CDC14A: variants seen among roughly 807,000 people sequenced by gnomAD.
CDC14A encodes the protein dual specificity protein phosphatase CDC14A.
Under a neutral mutation model 74.4 loss-of-function variants are expected in CDC14A, and 53 were observed. The ratio of observed to expected loss-of-function variants is 0.71; its 90% CI spans 0.57 to 0.89. The LOEUF is 0.89. Ranked by LOEUF, CDC14A falls within the 40% of genes least tolerant of loss-of-function variation. The pLI is 0.00. For synonymous variants in CDC14A, 247 were observed against 258.4 expected (o/e 0.96, Z 0.43); for missense variants, 646 against 713.7 (o/e 0.91, Z 1.08).
chr1:100,458,046 A>C (rs535676196), intron 8 of CDC14A, among the ~76,000 whole-genome samples: 1 of 152,302 alleles, frequency 6.6e-6, no homozygotes, highest in East Asian at 1.9e-4. Flanking sequence ...ATGGGGAAAA[A>C]ATTATAGCCA....
intron 7 of CDC14A, among the ~76,000 whole-genome samples, chr1:100,446,666 C>A (rs1286399313): frequency 1.3e-5 from 2 of 151,900 alleles, no homozygotes; most frequent in African/African-American, 4.8e-5. Context: ...TTGAATTAAG[C>A]CTCAGAAACC....
At position 100,400,867 on chromosome 1, in the gene CDC14A, G is replaced by GT. The variant is rs1399805157; in HGVS notation, c.309+10052dup. ...AAGTTAAGGTGCATCAATCTTTTCA[G>GT]TTTTTTTTTCTTTTTTTCTTTTGGC... is the stretch of plus-strand genomic sequence containing the variant. On this transcript the variant is annotated intron_variant, in intron 4 of 15. Transcript: ENST00000336454. Among the ~76,000 whole-genome samples, 15 of 151,118 alleles carry GT rather than the reference G, an allele frequency of 9.9e-5. No individual in the cohort carries two copies. In the South Asian group the frequency reaches 1.9e-3, roughly 19 times the overall value.
chr1:100,426,066 G>C (rs1662927232), intron 5 of CDC14A, among the ~76,000 whole-genome samples: 1 of 152,094 alleles, frequency 6.6e-6, no homozygotes, highest in Non-Finnish European at 1.5e-5. Flanking sequence ...TGCAATGTTT[G>C]GTTTTTGTTT....
chr1:100,375,143 G>A (rs978549465), intron 2 of CDC14A, among the ~76,000 whole-genome samples: 3 of 152,192 alleles, frequency 2.0e-5, no homozygotes, highest in Non-Finnish European at 4.4e-5. Context: ...ACTGGACTTT[G>A]AGCAAGGTAG....
In CDC14A at chr1:100,478,817, G is replaced by A. The variant is rs370603038; in HGVS notation, c.978-5475G>A. 2.6e-5 allele frequency among the ~76,000 whole-genome samples: 4 copies of A among 152,260 alleles called. No individual in the cohort carries two copies. In the East Asian group the frequency reaches 5.8e-4, roughly 22 times the overall value. On this transcript the variant is annotated intron_variant, in intron 10 of 15. Coordinates refer to ENST00000336454, the MANE Select transcript of CDC14A (RefSeq NM_003672.4). ...GCTTCTACTGAGTTGGATATTTTCAGAATTCTAACTTTGTTGCAAGCCTTC... is the reference window on the plus strand; with the variant it reads ...GCTTCTACTGAGTTGGATATTTTCAAAATTCTAACTTTGTTGCAAGCCTTC...
intron 5 of CDC14A, among the ~76,000 whole-genome samples, chr1:100,431,706 CAG>C (rs1663708800): frequency 6.6e-6 from 1 of 151,500 alleles, no homozygotes; most frequent in Admixed American, 6.6e-5. Flanking sequence ...AAAAATTAGT[CAG>C]GGGTAGTGGC....
chr1:100,362,025 G>A (rs1277708880), intron 2 of CDC14A, among the ~76,000 whole-genome samples: 2 of 152,146 alleles, frequency 1.3e-5, no homozygotes, highest in Non-Finnish European at 2.9e-5. Context: ...TTGGGTGACT[G>A]GGAGAGAGGG....
intron 2 of CDC14A, among the ~76,000 whole-genome samples, chr1:100,356,963 G>A (rs555405731): frequency 2.6e-5 from 4 of 152,064 alleles, no homozygotes; most frequent in Admixed American, 2.6e-4. Flanking sequence ...CATGTGACCT[G>A]GCAACACAGG....
intron 7 of CDC14A, among the ~76,000 whole-genome samples, chr1:100,444,034 G>A (rs1665254979): frequency 6.6e-6 from 1 of 152,104 alleles, no homozygotes; most frequent in Admixed American, 6.5e-5. Context: ...TGGATATTCT[G>A]TTTCCATGTT....
At chr1:100,471,012 T>G (rs1173239209) in intron 10 of CDC14A, among the ~76,000 whole-genome samples, 3 of 152,132 alleles carry the variant, frequency 2.0e-5, no homozygotes, top group Non-Finnish European at 4.4e-5. Context: ...TAGCCCAAAA[T>G]TAGAAATCAT....
chr1:100,404,542 A>G (rs1026295778), intron 4 of CDC14A, among the ~76,000 whole-genome samples: 5 of 152,336 alleles, frequency 3.3e-5, no homozygotes, highest in Admixed American at 6.5e-5. Flanking sequence ...AAAACTAAAT[A>G]GTGGGATGGC....
chr1:100,492,861 T>G (rs1557823979), intron 11 of CDC14A, among the ~76,000 whole-genome samples: 1 of 146,016 alleles, frequency 6.8e-6, no homozygotes, highest in African/African-American at 2.6e-5. Context: ...TGTGTGTGTG[T>G]GTATGTGTGT....
chr1:100,420,063 C>CAATATATATATATATATAT lies in CDC14A; in HGVS notation c.310-4158_310-4157insATATATATATATATATATA. 1.5e-4 allele frequency among the ~76,000 whole-genome samples: 9 copies of CAATATATATATATATATAT among 61,564 alleles called. No individual in the cohort carries two copies. In the Admixed American group the frequency reaches 2.1e-3, roughly 14 times the overall value. 40.4% of individuals were successfully genotyped at this position (61,564 alleles called of 152,430 possible). A position where few individuals can be genotyped will look rare whatever the true frequency, so the allele number is the denominator to read the frequency against. On this transcript the variant is annotated intron_variant, in intron 4 of 15. Coordinates refer to ENST00000336454, the MANE Select transcript of CDC14A (RefSeq NM_003672.4). ...ACACACACACACACACACACACACA[C>CAATATATATATATATATAT]ATATATATATATATATATAGTGTGT...
intron 7 of CDC14A, among the ~76,000 whole-genome samples, chr1:100,454,146 T>C (rs1440970648): frequency 6.6e-6 from 1 of 152,232 alleles, no homozygotes; most frequent in Non-Finnish European, 1.5e-5. Flanking sequence ...AGTTTTTTTT[T>C]GATGGCCATA....
At chr1:100,495,884 T>C in intron 12 of CDC14A, 118 bp from the exon 13 acceptor site, 1 of 794,314 alleles carries the variant, frequency 1.3e-6, no homozygotes, top group Non-Finnish European at 2.1e-6. Context: ...ATTTGCAAGG[T>C]TTCTCCCTTT....
At chr1:100,431,512 T>C (rs949612229) in intron 5 of CDC14A, among the ~76,000 whole-genome samples, 1 of 152,138 alleles carries the variant, frequency 6.6e-6, no homozygotes. Context: ...CTTAAATACC[T>C]GAGTTAAAAC....
chr1:100,505,034 T>C, intron 15 of CDC14A: 2 of 1,152,108 alleles, frequency 1.7e-6, no homozygotes, highest in Non-Finnish European at 2.3e-6. Context: ...TCTGTGTATG[T>C]AAGAATTGTC....
Position 100,498,223 on chromosome 1 carries a change from C to T in CDC14A, c.1421+16C>T. The T allele has an allele frequency of 6.2e-7, 1 of 1,611,912 alleles. No individual in the cohort carries two copies. The highest frequency in any genetic ancestry group is 1.3e-5 in the African/African-American group (1 of 74,924). ...CTGTAAGAAGGTAATTTTTCTCTCC[C>T]TCTTCTAAGGTGCTGGTTTGAGGTA... is the stretch of plus-strand genomic sequence containing the variant. On this transcript the variant is annotated intron_variant, in intron 14 of 15. Coordinates refer to ENST00000336454, the MANE Select transcript of CDC14A (RefSeq NM_003672.4).
intron 15 of CDC14A, among the ~76,000 whole-genome samples, chr1:100,515,344 A>G (rs950884717): frequency 6.6e-6 from 1 of 151,042 alleles, no homozygotes; most frequent in Non-Finnish European, 1.5e-5. Flanking sequence ...GATCTTGGAG[A>G]CTTGAACAAT....
Sources: gnomAD v4.1 joint callset for allele counts (sites outside exome capture counted in the v4.1 genomes callset) on GRCh38, gnomAD v4.1.1 for gene constraint, MANE v1.5 for transcripts, NCBI Gene and HGNC (gene_info 2026-07-23, HGNC 2026-07-21) for gene names.